Variants in DYNC1I1 observed in about 807,000 individuals in gnomAD.
DYNC1I1 encodes the protein cytoplasmic dynein 1 intermediate chain 1.
A neutral mutation model predicts 86.6 loss-of-function variants in DYNC1I1; 43 were observed. The observed-to-expected ratio is 0.50, with a 90% CI of 0.39 to 0.64. DYNC1I1 has a LOEUF of 0.64. DYNC1I1 is among the 30% of genes least tolerant of loss of function. DYNC1I1 has a pLI of 0.00. For synonymous variants in DYNC1I1, 262 were observed against 283.7 expected, an observed-to-expected ratio of 0.92 and a Z score of 0.77; for missense variants, 604 against 788.8, an observed-to-expected ratio of 0.77 and a Z score of 2.81.
At chr7:96,022,249 T>C (rs1794568993) in intron 10 of DYNC1I1, among the ~76,000 whole-genome samples, 1 of 152,178 alleles carries the variant, frequency 6.6e-6, no homozygotes, top group Non-Finnish European at 1.5e-5. Context: ...TACCTTTGTA[T>C]TCTCAGCATA....
chr7:96,040,919 C>G (rs551742928), intron 14 of DYNC1I1, among the ~76,000 whole-genome samples: 1 of 151,854 alleles, frequency 6.6e-6, no homozygotes, highest in Non-Finnish European at 1.5e-5. Flanking sequence ...GATGGGGTTT[C>G]GCATGTTGGC....
chr7:96,108,365 G>A (rs1791252620), intron 16 of DYNC1I1, among the ~76,000 whole-genome samples: 1 of 151,982 alleles, frequency 6.6e-6, no homozygotes, highest in South Asian at 2.1e-4. Flanking sequence ...TTTCTGCAAA[G>A]GGATATTGTT....
At chr7:95,800,251 A>G (rs1554387222) in intron 1 of DYNC1I1, among the ~76,000 whole-genome samples, 1 of 151,996 alleles carries the variant, frequency 6.6e-6, no homozygotes, top group Non-Finnish European at 1.5e-5. Context: ...GGATTTGTGT[A>G]TGGAGTCTAG....
intron 14 of DYNC1I1, among the ~76,000 whole-genome samples, chr7:96,072,834 T>C (rs757333938): frequency 6.6e-6 from 1 of 152,244 alleles, no homozygotes; most frequent in Non-Finnish European, 1.5e-5. Flanking sequence ...TTACCAGTTC[T>C]AATACTTTAT....
intron 10 of DYNC1I1, among the ~76,000 whole-genome samples, chr7:96,011,228 C>A (rs962350874): frequency 6.6e-6 from 1 of 152,102 alleles, no homozygotes; most frequent in Non-Finnish European, 1.5e-5. Flanking sequence ...TAGAATTCAA[C>A]TTTTATTTTG....
chr7:95,968,502 C>G (rs1793075741), intron 6 of DYNC1I1, among the ~76,000 whole-genome samples: 1 of 152,236 alleles, frequency 6.6e-6, no homozygotes, highest in East Asian at 1.9e-4. Flanking sequence ...TAACATAACA[C>G]AATAACAATT....
chr7:95,978,819 A>G (rs1793377661), intron 7 of DYNC1I1, among the ~76,000 whole-genome samples: 1 of 151,076 alleles, frequency 6.6e-6, no homozygotes, highest in Non-Finnish European at 1.5e-5. Flanking sequence ...TTTTTTTGAG[A>G]CAGAGTCTCA....
chr7:95,841,097 G>A (rs1404547557), intron 5 of DYNC1I1, among the ~76,000 whole-genome samples: 1 of 152,150 alleles, frequency 6.6e-6, no homozygotes, highest in Non-Finnish European at 1.5e-5. Context: ...CCTCTAGGGG[G>A]TCTAGTAAAT....
chr7:96,022,999 G>A (rs898558277), intron 10 of DYNC1I1, among the ~76,000 whole-genome samples: 3 of 152,010 alleles, frequency 2.0e-5, no homozygotes, highest in Non-Finnish European at 2.9e-5. Flanking sequence ...CAAATGCCTG[G>A]TGCTACATGA....
At chr7:95,781,779 T>C (rs1051030275) in intron 1 of DYNC1I1, among the ~76,000 whole-genome samples, 8 of 152,136 alleles carry the variant, frequency 5.3e-5, no homozygotes, top group Admixed American at 2.6e-4. Flanking sequence ...AATAATGACA[T>C]TTAGTACTTT....
At chr7:95,779,526 T>C (rs937823342) in intron 1 of DYNC1I1, among the ~76,000 whole-genome samples, 2 of 152,222 alleles carry the variant, frequency 1.3e-5, no homozygotes, top group African/African-American at 4.8e-5. Flanking sequence ...TTATCTGGGA[T>C]GTGTGTGATC....
chr7:95,806,883 C>T (rs1356799507), intron 2 of DYNC1I1, among the ~76,000 whole-genome samples: 3 of 152,148 alleles, frequency 2.0e-5, no homozygotes, highest in African/African-American at 7.2e-5. Context: ...AGACAGAAGA[C>T]ATAAACACAG....
chr7:95,856,835 A>C (rs186287570), intron 5 of DYNC1I1, among the ~76,000 whole-genome samples: 9 of 151,974 alleles, frequency 5.9e-5, no homozygotes, highest in Non-Finnish European at 1.0e-4. Flanking sequence ...AAAAATTAGC[A>C]GGGCGTGGTG....
At chr7:96,065,268 C>T (rs1789932246) in intron 14 of DYNC1I1, among the ~76,000 whole-genome samples, 2 of 152,050 alleles carry the variant, frequency 1.3e-5, no homozygotes, top group African/African-American at 2.4e-5. Context: ...TTGTCTAGGT[C>T]CTCTCCACTG....
At chr7:96,067,414 G>T (rs1346928398) in intron 14 of DYNC1I1, among the ~76,000 whole-genome samples, 2 of 148,168 alleles carry the variant, frequency 1.3e-5, no homozygotes, top group African/African-American at 2.5e-5. Context: ...GAAACTACCT[G>T]TGCCAGTCAT....
intron 11 of DYNC1I1, among the ~76,000 whole-genome samples, chr7:96,031,557 C>G (rs1794808293): frequency 6.6e-6 from 1 of 152,156 alleles, no homozygotes; most frequent in Non-Finnish European, 1.5e-5. Context: ...TGGACCACCT[C>G]TTGGTTGAGG....
At chr7:95,983,927 A>G (rs1793518361) in intron 7 of DYNC1I1, among the ~76,000 whole-genome samples, 1 of 152,190 alleles carries the variant, frequency 6.6e-6, no homozygotes, top group African/African-American at 2.4e-5. Flanking sequence ...CTGAAGAACC[A>G]CAAAGGTTCA....
intron 6 of DYNC1I1, among the ~76,000 whole-genome samples, chr7:95,886,208 G>A (rs545255038): frequency 1.5e-4 from 23 of 152,286 alleles, no homozygotes; most frequent in African/African-American, 5.5e-4. Flanking sequence ...GGCCGAGGCA[G>A]GCAGATCACT....
chr7:96,032,604 C>T, intron 11 of DYNC1I1, 63 bp from the exon 12 acceptor site: 1 of 1,240,416 alleles, frequency 8.1e-7, no homozygotes, highest in Non-Finnish European at 1.2e-6. Flanking sequence ...ATGTGTTTGA[C>T]ACTCAAATGT....
Sources: gnomAD v4.1 joint callset for allele counts (sites outside exome capture counted in the v4.1 genomes callset) on GRCh38, gnomAD v4.1.1 for gene constraint, MANE v1.5 for transcripts, NCBI Gene and HGNC (gene_info 2026-07-23, HGNC 2026-07-21) for gene names.